TPX2: variants seen among roughly 807,000 people sequenced by gnomAD.
TPX2 encodes TPX2 microtubule nucleation factor, also known as targeting protein for Xklp2.
TPX2 carries 21 observed loss-of-function variants against 93.6 expected under a neutral mutation model. The observed-to-expected ratio is 0.22, with a 90% confidence interval of 0.16 to 0.32. The LOEUF (loss-of-function observed/expected upper bound fraction) is 0.32, where lower values mean the gene tolerates loss of function less well. Among genes scored for constraint, TPX2 ranks in the 10% least tolerant of loss-of-function variants. The pLI is 1.00. For synonymous variants in TPX2, 281 were observed against 298.3 expected, an observed-to-expected ratio of 0.94 and a Z score of 0.60; for missense variants, 776 against 871.1, an observed-to-expected ratio of 0.89 and a Z score of 1.37.
chr20:31,756,907 G>C (rs532361655), intron 2 of TPX2, among the ~76,000 whole-genome samples: 2 of 152,148 alleles, frequency 1.3e-5, no homozygotes, highest in Admixed American at 6.6e-5. Flanking sequence ...GATTACAGGC[G>C]TGAGCCACTG....
intron 5 of TPX2, among the ~76,000 whole-genome samples, chr20:31,769,052 A>G (rs918201473): frequency 1.3e-5 from 2 of 152,184 alleles, no homozygotes; most frequent in East Asian, 1.9e-4. Context: ...ACATACATAA[A>G]GTTGAGTGAG....
chr20:31,794,271 C>T, intron 14 of TPX2, 131 bp from the exon 15 acceptor site: 3 of 1,284,396 alleles, frequency 2.3e-6, no homozygotes, highest in East Asian at 2.4e-5. Context: ...CCTTTTGAAC[C>T]CATTATTCAT....
In TPX2 at chr20:31,782,330, G is replaced by A. The variant is rs768734508; in HGVS notation, c.1136G>A (p.Arg379Gln). The A allele has an allele frequency of 8.1e-6, 13 of 1,613,726 alleles. No individual in the cohort carries two copies. The highest frequency in any genetic ancestry group is 5.5e-5 in the South Asian group (5 of 90,954). ...TPVLQTKHRARAVTCKSTAEL... is the reference protein window; with the variant it reads ...TPVLQTKHRAQAVTCKSTAEL... Reference sequence around the variant, plus strand: ...GTACTGCAAACCAAACACCGTGCACGGGCTGTGACCTGCAAAAGTACAGCA... The same window carrying A: ...GTACTGCAAACCAAACACCGTGCACAGGCTGTGACCTGCAAAAGTACAGCA... Residue 379 changes from arginine to glutamine, a missense_variant, in exon 11 of 18, where the codon CGG becomes CAG. Arg to Gln is a conservative substitution (Grantham distance 43, BLOSUM62 1). This residue lies in a region of TPX2 where 461 missense variants were observed against 551.2 expected (regional missense o/e 0.84). Transcript: ENST00000300403.
At position 31,778,945 on chromosome 20, in the gene TPX2, C is replaced by G. The variant is rs1243733782; in HGVS notation, c.1015C>G (p.Pro339Ala). ...QQVEDFHKRT[P>A]NRYHLRSKKD... ...AGTTGAAGACTTCCATAAACGAACC[C>G]CTAACAGATATCATTTGAGGAGCAA... Residue 339 changes from proline to alanine, a missense_variant, in exon 10 of 18, where the codon CCT becomes GCT. Physicochemically the swap from Pro to Ala is conservative, Grantham distance 27. Coordinates refer to ENST00000300403, the MANE Select transcript of TPX2 (RefSeq NM_012112.5). The G allele has an allele frequency of 6.2e-7, 1 of 1,605,676 alleles. No individual in the cohort carries two copies. The highest frequency in any genetic ancestry group is 1.3e-5 in the African/African-American group (1 of 74,422).
At chr20:31,797,255 A>G (rs1334197363) in intron 15 of TPX2, 149 bp from the exon 16 acceptor site, 4 of 658,384 alleles carry the variant, frequency 6.1e-6, no homozygotes, top group Non-Finnish European at 1.0e-5. Context: ...TGTTCATTGT[A>G]AAGTTTGTGT....
Position 31,799,770 on chromosome 20 carries a change from C to T in TPX2, c.2134-1200C>T, listed in dbSNP as rs1347948035. 3.3e-5 allele frequency among the ~76,000 whole-genome samples: 5 copies of T among 151,426 alleles called. No homozygotes were observed. In the East Asian group the frequency reaches 5.8e-4, roughly 18 times the overall value. ...CAAAAATTAGCCGGGCATGGTGGCA[C>T]GCACCTGTAATCCCAGCTACTCGGG... On this transcript the variant is annotated intron_variant, in intron 17 of 17. Transcript: ENST00000300403.
At chr20:31,774,556 T>C (rs1361548975) in intron 7 of TPX2, among the ~76,000 whole-genome samples, 1 of 152,136 alleles carries the variant, frequency 6.6e-6, no homozygotes, top group Non-Finnish European at 1.5e-5. Flanking sequence ...CAGTCATAAA[T>C]AGGATGTGAA....
intron 2 of TPX2, among the ~76,000 whole-genome samples, chr20:31,749,122 A>G (rs1000916796): frequency 2.6e-5 from 4 of 151,704 alleles, no homozygotes; most frequent in African/African-American, 9.7e-5. Flanking sequence ...ATTTTTTTGT[A>G]TTTTTAGTAG....
At position 31,779,091 on chromosome 20, in the gene TPX2, A is replaced by G. The variant is rs2062018979; in HGVS notation, c.1054+107A>G. 5 of 1,270,106 alleles carry G rather than the reference A, an allele frequency of 3.9e-6. No individual in the cohort carries two copies. In the East Asian group the frequency reaches 1.3e-4, roughly 32 times the overall value. The allele number at this position is 1,270,106 out of a possible 1,614,324, so 78.7% of individuals were successfully genotyped here. A position where few individuals can be genotyped will look rare whatever the true frequency, so the allele number is the denominator to read the frequency against. On this transcript the variant is annotated intron_variant, in intron 10 of 17. Coordinates refer to ENST00000300403, the MANE Select transcript of TPX2 (RefSeq NM_012112.5). ...TAGCTGAAATCCTAGTTTTTCAATT[A>G]AAGTATGGCGTGTGACTATGCAGAC...
In TPX2 at chr20:31,760,106, A is replaced by C; in HGVS notation, c.156A>C (p.Gly52=). 6.2e-7 allele frequency: 1 copy of C among 1,613,934 alleles called. No homozygotes were observed. The highest frequency in any genetic ancestry group is 8.5e-7 in the Non-Finnish European group (1 of 1,179,960). ...AGTTACTGGGGAAGAATGGAACTGG[A>C]GGGCTTTTTCAGGGCAAAACTCCTT... ...ENKLLGKNGT[G]GLFQGKTPLR... The change falls in exon 4 of 18, where the codon GGA becomes GGC. Residue 52 remains glycine (G), a synonymous_variant. Transcript: ENST00000300403.
At chr20:31,763,942 C>G (rs1036520334) in intron 4 of TPX2, among the ~76,000 whole-genome samples, 2 of 151,602 alleles carry the variant, frequency 1.3e-5, no homozygotes, top group Non-Finnish European at 2.9e-5. Flanking sequence ...TCGCTGAAAC[C>G]TGGGAGGCGG....
intron 15 of TPX2, among the ~76,000 whole-genome samples, chr20:31,796,756 A>G (rs2062141276): frequency 6.6e-6 from 1 of 151,086 alleles, no homozygotes; most frequent in African/African-American, 2.4e-5. Context: ...GATACTGTAT[A>G]GTTCCTAATG....
chr20:31,794,655 G>T, intron 15 of TPX2, 107 bp downstream of exon 15: 8 of 1,392,196 alleles, frequency 5.7e-6, no homozygotes, highest in Non-Finnish European at 7.8e-6. Context: ...CATTGTTTCA[G>T]GGGCTCTCAC....
chr20:31,781,274 T>TTTTTTTTA (rs1361224401), intron 10 of TPX2, among the ~76,000 whole-genome samples: 6 of 145,898 alleles, frequency 4.1e-5, no homozygotes, highest in African/African-American at 1.5e-4. Flanking sequence ...TTTTTTTTTT[T>TTTTTTTTA]GAGACAGAGT....
At chr20:31,741,645 G>GT (rs534543450) in intron 1 of TPX2, among the ~76,000 whole-genome samples, 166 of 152,010 alleles carry the variant, frequency 1.1e-3, no homozygotes, top group African/African-American at 3.8e-3. Flanking sequence ...CACCCGGCTA[G>GT]TTTTTTTGTA....
rs761452182 is a variant in TPX2, at chr20:31,783,837, G to A, written c.1329G>A (p.Glu443=). Residue 443 remains glutamate (E), a synonymous_variant, in exon 12 of 18, where the codon GAG becomes GAA. Coordinates refer to ENST00000300403, the MANE Select transcript of TPX2 (RefSeq NM_012112.5). ...FDLEIEKRIQ[E]RESKKKTEDE... ...TGGAAATTGAGAAAAGAATCCAGGA[G>A]CGAGAATCAAAGAAGAAAACAGAGG... 8 of 1,610,350 alleles carry A rather than the reference G, an allele frequency of 5.0e-6. No homozygotes were observed. In the African/African-American group the frequency reaches 1.1e-4, roughly 22 times the overall value.
At chr20:31,775,597 AACTCCTG>A (rs2061991398) in intron 7 of TPX2, among the ~76,000 whole-genome samples, 1 of 151,878 alleles carries the variant, frequency 6.6e-6, no homozygotes, top group South Asian at 2.1e-4. Context: ...GATGGTCTTG[AACTCCTG>A]ACCTCAGGTG....
intron 9 of TPX2, 97 bp downstream of exon 9, chr20:31,777,735 GA>G (rs571013953): frequency 1.5e-5 from 18 of 1,241,270 alleles, no homozygotes; most frequent in South Asian, 5.5e-5. Context: ...GTATAATTGA[GA>G]AAAAAAACCT....
chr20:31,748,969 A>T (rs1297850375), intron 2 of TPX2, among the ~76,000 whole-genome samples: 4 of 148,112 alleles, frequency 2.7e-5, no homozygotes, highest in Admixed American at 1.3e-4. Context: ...TTTTTGAGAC[A>T]GAGTCTTGCT....
Sources: allele counts gnomAD v4.1 joint callset (sites outside exome capture counted in the v4.1 genomes callset), GRCh38; gene constraint gnomAD v4.1.1; regional missense constraint gnomAD v4.1.1; transcripts MANE v1.5; gene names NCBI Gene and HGNC (gene_info 2026-07-23, HGNC 2026-07-21).